The following CASZ1 variants were observed in gnomAD, a reference collection of about 807,000 sequenced individuals.
CASZ1 encodes the protein zinc finger protein castor homolog 1.
CASZ1 carries 28 observed loss-of-function variants against 135.2 expected under a neutral mutation model. The ratio of observed to expected loss-of-function variants is 0.21; its 90% CI spans 0.15 to 0.28. CASZ1 has a LOEUF of 0.28. Among genes scored for constraint, CASZ1 ranks in the 10% least tolerant of loss-of-function variants. The probability of loss-of-function intolerance (pLI) is 1.00; values close to 1 mark genes in which losing one functional copy is unlikely to be tolerated. For synonymous variants in CASZ1, 1,068 were observed against 1,073.4 expected (o/e 0.99, Z 0.10); for missense variants, 2,161 against 2,453.3 (o/e 0.88, Z 2.52).
At chr1:10,668,141 C>G in intron 4 of CASZ1, among the ~76,000 whole-genome samples, 1 of 152,102 alleles carries the variant, frequency 6.6e-6, no homozygotes, top group East Asian at 1.9e-4. Context: ...TTTGTAAGTG[C>G]GAGCGCGTGT....
Position 10,651,047 on chromosome 1 carries a change from A to T in CASZ1, c.2710T>A (p.Phe904Ile), listed in dbSNP as rs921126097. ...GSGQQVTPAR[F>I]PPAQVKPEPG... ...TCCGGCTTCACTTGGGCCGGGGGGA[A>T]CCTGGCTGGGGTGACCTGCTGCCCG... Residue 904 changes from phenylalanine to isoleucine, a missense_variant, in exon 12 of 21, where the codon TTC becomes ATC. Phe to Ile is a conservative substitution (Grantham distance 21). Coordinates refer to ENST00000377022, the MANE Select transcript of CASZ1 (RefSeq NM_001079843.3). 1.9e-6 allele frequency: 3 copies of T among 1,547,838 alleles called. No homozygotes were observed. The highest frequency in any genetic ancestry group is 2.5e-5 in the South Asian group (2 of 81,194).
At position 10,640,016 on chromosome 1, in the gene CASZ1, GC is replaced by G; in HGVS notation, c.4205del (p.Arg1402ProfsTer28). The G allele has an allele frequency of 6.2e-7, 1 of 1,611,520 alleles. No homozygotes were observed. The highest frequency in any genetic ancestry group is 8.5e-7 in the Non-Finnish European group (1 of 1,179,924). On this transcript the variant is annotated frameshift_variant, in exon 21 of 21. Coordinates refer to ENST00000377022, the MANE Select transcript of CASZ1 (RefSeq NM_001079843.3). LOFTEE classifies it high-confidence loss of function. ...SMPTASGAKK[R>X]FWIIEDMSPF... ...GCGACATGTCCTCGATGATCCAGAA[GC>G]GCTTTTTGGCCCCCGAGGCTGTCGG...
intron 2 of CASZ1, among the ~76,000 whole-genome samples, chr1:10,743,339 C>T (rs757837652): frequency 9.2e-5 from 14 of 152,092 alleles, no homozygotes; most frequent in South Asian, 2.1e-4. Context: ...GCTGTCCCCA[C>T]GGTCGGAGAA....
At chr1:10,660,776 C>T (rs1642998045) in intron 5 of CASZ1, 5 of 548,190 alleles carry the variant, frequency 9.1e-6, no homozygotes, top group Middle Eastern at 4.8e-4. Flanking sequence ...CCAGGAAAAT[C>T]AATTTCCTAA....
At chr1:10,669,368 C>T (rs1417306721) in intron 4 of CASZ1, among the ~76,000 whole-genome samples, 3 of 152,254 alleles carry the variant, frequency 2.0e-5, no homozygotes, top group South Asian at 2.1e-4. Context: ...TCCCATAACA[C>T]GGAGCCCCTT....
rs755775776 is a variant in CASZ1, at chr1:10,653,679, G to A, written c.2378C>T (p.Ser793Leu). 7.0e-6 allele frequency: 11 copies of A among 1,563,720 alleles called. No homozygotes were observed. The highest frequency in any genetic ancestry group is 2.3e-5 in the East Asian group (1 of 44,440). Residue 793 changes from serine to leucine, a missense_variant, in exon 11 of 21, where the codon TCG becomes TTG. By Grantham distance (145) the Ser-to-Leu change is moderately radical (BLOSUM62 -2). Coordinates refer to ENST00000377022, the MANE Select transcript of CASZ1 (RefSeq NM_001079843.3). ...GTAGGGCGTGGGGGTGGGCAGGCCC[G>A]AGTTGGAGAGGGCCAGGGCCAGGGG... ...SIPLALALSN[S>L]GLPTPTPYFP...
intron 2 of CASZ1, among the ~76,000 whole-genome samples, chr1:10,723,472 C>T (rs1344232419): frequency 6.6e-6 from 1 of 152,212 alleles, no homozygotes; most frequent in Non-Finnish European, 1.5e-5. Context: ...TGGCTCTGAG[C>T]AGTCTATTCA....
intron 2 of CASZ1, among the ~76,000 whole-genome samples, chr1:10,749,374 A>G (rs1640106748): frequency 6.6e-6 from 1 of 151,992 alleles, no homozygotes; most frequent in Non-Finnish European, 1.5e-5. Context: ...CAGCCTCCTG[A>G]GTAGCTAGGA....
At chr1:10,698,292 T>C (rs560603470) in intron 3 of CASZ1, among the ~76,000 whole-genome samples, 6 of 152,338 alleles carry the variant, frequency 3.9e-5, no homozygotes, top group Non-Finnish European at 8.8e-5. Context: ...AGGAAAATTA[T>C]AGTGAAATTC....
chr1:10,684,379 A>AGCATGCCTGCCCCAGCACACGC lies in CASZ1; in HGVS notation c.16+9473_16+9494dup, dbSNP rs1231685851. Among the ~76,000 whole-genome samples the AGCATGCCTGCCCCAGCACACGC allele has an allele frequency of 5.3e-5, 8 of 152,202 alleles. No individual in the cohort carries two copies. The East Asian group carries it at 7.7e-4, about 15-fold the overall frequency. On this transcript the variant is annotated intron_variant, in intron 4 of 20. Transcript: ENST00000377022. ...GAGGGGGCGGGGAGCGGGGGACACG[A>AGCATGCCTGCCCCAGCACACGC]GCATGCCTGCCCCAGCACACGCGCC...
intron 2 of CASZ1, among the ~76,000 whole-genome samples, chr1:10,718,739 C>T (rs1417232006): frequency 2.6e-5 from 4 of 152,260 alleles, no homozygotes; most frequent in Non-Finnish European, 4.4e-5. Flanking sequence ...GACCCAGGCC[C>T]ACAACGTCTC....
At chr1:10,684,654 G>T (rs1270810245) in intron 4 of CASZ1, among the ~76,000 whole-genome samples, 1 of 152,216 alleles carries the variant, frequency 6.6e-6, no homozygotes, top group Non-Finnish European at 1.5e-5. Flanking sequence ...TGGGCAAACT[G>T]GGGTGGTTGG....
chr1:10,665,235 G>C lies in CASZ1; in HGVS notation c.353C>G (p.Pro118Arg), dbSNP rs754703333. The change falls in exon 5 of 21, where the codon CCC becomes CGC. Residue 118 changes from proline (P) to arginine (R), a missense_variant. By Grantham distance (103) the Pro-to-Arg change is moderately radical. Transcript: ENST00000377022. ...GGGCTGCACCATGTAGACACCCTCG[G>C]GAGGCAGCTCCAGGCCCTCGCGGGC... ...RIAREGLELP[P>R]EGVYMVQPQG... 1.2e-6 allele frequency: 2 copies of C among 1,600,452 alleles called. No individual in the cohort carries two copies. Among genetic ancestry groups the C allele is most frequent in the South Asian group, 2.2e-5 (2 of 89,102 alleles).
chr1:10,664,996 T>A, intron 5 of CASZ1, 87 bp downstream of exon 5: 1 of 1,357,356 alleles, frequency 7.4e-7, no homozygotes, highest in Non-Finnish European at 9.6e-7. Context: ...GAGTGAGGAG[T>A]CGGGTGTGCT....
chr1:10,678,148 G>A (rs1019372810), intron 4 of CASZ1, among the ~76,000 whole-genome samples: 9 of 152,180 alleles, frequency 5.9e-5, no homozygotes, highest in Admixed American at 1.3e-4. Context: ...GAGAGGCGGC[G>A]GCGTGGGCAG....
At position 10,644,999 on chromosome 1, in the gene CASZ1, G is replaced by T; in HGVS notation, c.3786C>A (p.His1262Gln). The T allele has an allele frequency of 1.9e-6, 3 of 1,614,094 alleles. No individual in the cohort carries two copies. In the South Asian group the frequency reaches 3.3e-5, roughly 18 times the overall value. ...GCTCCGCCTTCTCATGCTTCTTGAT[G>T]TGCCAGGGGAGCTTGGTGGTGATGT... Reference protein sequence around the residue: ...VTNITTKLPWHIKKHEKAERR... With the variant: ...VTNITTKLPWQIKKHEKAERR... The change falls in exon 18 of 21, where the codon CAC becomes CAA. Residue 1262 changes from histidine to glutamine, a missense_variant. His to Gln is a conservative substitution (Grantham distance 24, BLOSUM62 0). Coordinates refer to ENST00000377022, the MANE Select transcript of CASZ1 (RefSeq NM_001079843.3).
At position 10,694,220 on chromosome 1, in the gene CASZ1, G is replaced by A. The variant is rs1428844805; in HGVS notation, c.-23-308C>T. ...CGAGGCCCAGGGGCGCCCCCGTCCC[G>A]CCGACCGCGCCCCGCGCCCGGGTCG... On this transcript the variant is annotated intron_variant, in intron 3 of 20. Coordinates refer to ENST00000377022, the MANE Select transcript of CASZ1 (RefSeq NM_001079843.3). This position sits in a 1 kb window ranked among gnomAD's most constrained non-coding sequence, Gnocchi z 6.6. 2 of 575,248 alleles carry A rather than the reference G, an allele frequency of 3.5e-6. No individual in the cohort carries two copies. Among genetic ancestry groups the A allele is most frequent in the Non-Finnish European group, 4.4e-6 (2 of 456,332 alleles). The allele number at this position is 575,248 out of a possible 1,614,324, so 35.6% of individuals were successfully genotyped here. A position where few individuals can be genotyped will look rare whatever the true frequency, so the allele number is the denominator to read the frequency against.
rs1343893869 is a variant in CASZ1, at chr1:10,679,155, C to T, written c.17-13584G>A. Among the ~76,000 whole-genome samples the T allele has an allele frequency of 6.6e-6, 1 of 152,210 alleles. No individual in the cohort carries two copies. Among genetic ancestry groups the T allele is most frequent in the Non-Finnish European group, 1.5e-5 (1 of 68,034 alleles). ...CTTCCCAGGATTCACGAGGGGACTG[C>T]AGGGCTGGCACAGAGCTCTCCGCCA... On this transcript the variant is annotated intron_variant, in intron 4 of 20. Transcript: ENST00000377022. This position sits in a 1 kb window ranked among gnomAD's most constrained non-coding sequence, Gnocchi z 4.7.
At position 10,694,670 on chromosome 1, in the gene CASZ1, T is replaced by C. The variant is rs1638880254; in HGVS notation, c.-23-758A>G. Among the ~76,000 whole-genome samples, 1 of 138,028 alleles carries C rather than the reference T, an allele frequency of 7.2e-6. No homozygotes were observed. The highest frequency in any genetic ancestry group is 2.7e-5 in the African/African-American group (1 of 37,048). The allele number at this position is 138,028 out of a possible 152,430, so 90.6% of individuals were successfully genotyped here. ...CCGCCCGGTGCCGGAGTGAATGGGCTCGCGCTCGCTCGCGCCCCCGCCGCG... is the reference window on the plus strand; with the variant it reads ...CCGCCCGGTGCCGGAGTGAATGGGCCCGCGCTCGCTCGCGCCCCCGCCGCG... On this transcript the variant is annotated intron_variant, in intron 3 of 20. Transcript: ENST00000377022. The surrounding 1 kb of genome is among the most constrained non-coding windows in gnomAD (Gnocchi z 6.6).
Sources: gnomAD v4.1 joint callset for allele counts (sites outside exome capture counted in the v4.1 genomes callset) on GRCh38, gnomAD v4.1.1 for gene constraint, Gnocchi (gnomAD v3.1) non-coding constraint, MANE v1.5 for transcripts, NCBI Gene and HGNC (gene_info 2026-07-23, HGNC 2026-07-21) for gene names.